The following MYLK variants were observed in gnomAD, a reference collection of about 807,000 sequenced individuals.
The protein encoded by MYLK is myosin light chain kinase.
Under a neutral mutation model 203.4 loss-of-function variants are expected in MYLK, and 106 were observed. The observed-to-expected ratio is 0.52, with a 90% CI of 0.45 to 0.61. MYLK has a LOEUF of 0.61. Ranked by LOEUF, MYLK falls within the 20% of genes least tolerant of loss-of-function variation. The pLI is 0.00. For missense variants in MYLK, 2,072 were observed against 2,442.3 expected (o/e 0.85, Z 3.20); for synonymous variants, 867 against 959.5 (o/e 0.90, Z 1.78).
chr3:123,838,383 C>T (rs1424974002), intron 2 of MYLK, among the ~76,000 whole-genome samples: 2 of 152,106 alleles, frequency 1.3e-5, no homozygotes, highest in Non-Finnish European at 2.9e-5. Context: ...TATTAACAAA[C>T]TTGCATAATG....
At chr3:123,786,350 T>C (rs1474199879) in intron 4 of MYLK, among the ~76,000 whole-genome samples, 1 of 151,022 alleles carries the variant, frequency 6.6e-6, no homozygotes, top group Non-Finnish European at 1.5e-5. Context: ...CATATATATA[T>C]AAAAGTATTA....
At chr3:123,623,055 G>A (rs1170337395) in intron 31 of MYLK, 2 of 152,258 alleles carry the variant, frequency 1.3e-5, no homozygotes, top group Non-Finnish European at 2.9e-5. Flanking sequence ...AGGCAGGCTT[G>A]TGGAGTTTCC....
Position 123,614,007 on chromosome 3 carries a change from T to A in MYLK, c.*98A>T. 6.9e-7 allele frequency: 1 copy of A among 1,444,014 alleles called. No homozygotes were observed. The highest frequency in any genetic ancestry group is 1.2e-5 in the South Asian group (1 of 82,226). 89.5% of individuals were successfully genotyped at this position (1,444,014 alleles called of 1,614,324 possible). A position where few individuals can be genotyped will look rare whatever the true frequency, so the allele number is the denominator to read the frequency against. On this transcript the variant is annotated 3_prime_UTR_variant, in exon 34 of 34. Coordinates refer to ENST00000360304, the MANE Select transcript of MYLK (RefSeq NM_053025.4). ...TGACCTAACCGATAATCTATCACACTAGGTGCTTTTACTATCTTGAGTTTT... is the reference window on the plus strand; with the variant it reads ...TGACCTAACCGATAATCTATCACACAAGGTGCTTTTACTATCTTGAGTTTT...
At chr3:123,841,254 G>C (rs984717730) in intron 2 of MYLK, among the ~76,000 whole-genome samples, 1 of 152,054 alleles carries the variant, frequency 6.6e-6, no homozygotes, top group African/African-American at 2.4e-5. Flanking sequence ...GTATAGACTT[G>C]ATGAATTAAA....
chr3:123,862,815 T>C (rs1440003086), intron 2 of MYLK, among the ~76,000 whole-genome samples: 1 of 152,118 alleles, frequency 6.6e-6, no homozygotes, highest in Non-Finnish European at 1.5e-5. Context: ...CTACTTGTTC[T>C]TCCAAGTTTT....
chr3:123,737,455 T>C lies in MYLK; in HGVS notation c.677A>G (p.Asp226Gly), dbSNP rs2062715579. Residue 226 changes from aspartate (D) to glycine (G), a missense_variant, in exon 8 of 34, where the codon GAT becomes GGT. Transcript: ENST00000360304. ...CAGGCACGTGTACACTCCCACGTCA[T>C]CTTGGTTGACTCCATGGATTTCCAG... ...QVLEIHGVNQ[D>G]DVGVYTCLVV... 6.2e-7 allele frequency: 1 copy of C among 1,614,078 alleles called. No individual in the cohort carries two copies. Among genetic ancestry groups the C allele is most frequent in the African/African-American group, 1.3e-5 (1 of 74,934 alleles).
At chr3:123,614,826 G>T (rs563040503) in intron 33 of MYLK, among the ~76,000 whole-genome samples, 22 of 151,606 alleles carry the variant, frequency 1.5e-4, no homozygotes, top group African/African-American at 5.1e-4. Flanking sequence ...GGGGGTAGGG[G>T]GGCAGGGTCT....
intron 24 of MYLK, among the ~76,000 whole-genome samples, 160 bp downstream of exon 24, chr3:123,656,966 C>T (rs2059406860): frequency 6.6e-6 from 1 of 152,178 alleles, no homozygotes; most frequent in Non-Finnish European, 1.5e-5. Flanking sequence ...TGAAGAATGG[C>T]TCAACATCAC....
At chr3:123,696,591 C>A (rs964344995) in intron 18 of MYLK, among the ~76,000 whole-genome samples, 1 of 152,026 alleles carries the variant, frequency 6.6e-6, no homozygotes, top group African/African-American at 2.4e-5. Context: ...ATTCCTTCAT[C>A]TTCTTTACCT....
At chr3:123,675,370 C>G (rs1034437010) in intron 20 of MYLK, among the ~76,000 whole-genome samples, 5 of 152,012 alleles carry the variant, frequency 3.3e-5, no homozygotes, top group African/African-American at 1.2e-4. Flanking sequence ...CTAACCTAGT[C>G]CTGGGGAAAA....
chr3:123,740,286 G>A (rs912942302), intron 5 of MYLK, among the ~76,000 whole-genome samples: 2 of 152,280 alleles, frequency 1.3e-5, no homozygotes, highest in Admixed American at 6.5e-5. Flanking sequence ...CACAAAGTCA[G>A]TAACAGTGCA....
chr3:123,635,467 G>A (rs763146377), intron 29 of MYLK, among the ~76,000 whole-genome samples: 8 of 152,154 alleles, frequency 5.3e-5, no homozygotes, highest in Non-Finnish European at 8.8e-5. Flanking sequence ...GGGTCCAGGA[G>A]CTAAGATGTG....
intron 2 of MYLK, among the ~76,000 whole-genome samples, chr3:123,849,007 G>A (rs2030408967): frequency 1.3e-5 from 2 of 151,990 alleles, no homozygotes; most frequent in African/African-American, 2.4e-5. Context: ...ATGGGGTCTC[G>A]CTCTGTTGCC....
Position 123,657,369 on chromosome 3 carries a change from T to A in MYLK, c.4045A>T (p.Thr1349Ser). The A allele has an allele frequency of 6.2e-7, 1 of 1,613,930 alleles. No homozygotes were observed. The highest frequency in any genetic ancestry group is 8.5e-7 in the Non-Finnish European group (1 of 1,179,980). ...TATGAGGAGCCATACCAGGACAGGGTCAGTGAGGAGCTCCGAATGTCAGAG... is the reference window on the plus strand; with the variant it reads ...TATGAGGAGCCATACCAGGACAGGGACAGTGAGGAGCTCCGAATGTCAGAG... The part of the protein sequence containing the change: ...CASDIRSSSL[T>S]LSWYGSSYDG... Residue 1349 changes from threonine (T) to serine (S), a missense_variant, in exon 24 of 34, where the codon ACC becomes TCC. Thr to Ser is a moderately conservative substitution (Grantham distance 58, BLOSUM62 1). This residue lies in a region of MYLK where 524 missense variants were observed against 782.4 expected (regional missense o/e 0.67). Transcript: ENST00000360304.
intron 2 of MYLK, among the ~76,000 whole-genome samples, chr3:123,872,500 C>T (rs1055425121): frequency 2.0e-5 from 3 of 152,120 alleles, no homozygotes; most frequent in Non-Finnish European, 4.4e-5. Flanking sequence ...AGTCCTGGGC[C>T]CCTCTTATTT....
At chr3:123,785,098 G>A (rs764970485) in intron 4 of MYLK, among the ~76,000 whole-genome samples, 15 of 152,174 alleles carry the variant, frequency 9.9e-5, no homozygotes, top group Non-Finnish European at 1.6e-4. Flanking sequence ...TCAAATATAT[G>A]GCTGAAGCCT....
chr3:123,767,044 T>C (rs1368882299), intron 4 of MYLK, among the ~76,000 whole-genome samples: 1 of 152,180 alleles, frequency 6.6e-6, no homozygotes, highest in Non-Finnish European at 1.5e-5. Flanking sequence ...AAGAAGCATC[T>C]GGAAAAATGG....
chr3:123,882,032 A>G (rs2033579108), intron 1 of MYLK, among the ~76,000 whole-genome samples: 1 of 152,186 alleles, frequency 6.6e-6, no homozygotes, highest in Admixed American at 6.5e-5. Context: ...TAGCCTAGGA[A>G]TGTTCCAAGG....
intron 31 of MYLK, 123 bp from the exon 32 acceptor site, chr3:123,620,459 C>T: frequency 6.3e-7 from 1 of 1,584,590 alleles, no homozygotes; most frequent in Non-Finnish European, 8.6e-7. Flanking sequence ...ACAAGGACCT[C>T]CTGAGAGCCG....
Sources: allele counts gnomAD v4.1 joint callset (sites outside exome capture counted in the v4.1 genomes callset), GRCh38; gene constraint gnomAD v4.1.1; regional missense constraint gnomAD v4.1.1; transcripts MANE v1.5; gene names NCBI Gene and HGNC (gene_info 2026-07-23, HGNC 2026-07-21).